MEIS2: variants seen among roughly 807,000 people sequenced by gnomAD.
MEIS2 encodes Meis homeobox 2, also known as homeobox protein Meis2.
In MEIS2, 9 loss-of-function variants were observed where a neutral mutation model predicts 58.6. The observed-to-expected ratio is 0.15, with a 90% CI of 0.09 to 0.27. MEIS2 has a LOEUF of 0.27. Among genes scored for constraint, MEIS2 ranks in the 10% least tolerant of loss-of-function variants. The probability of loss-of-function intolerance (pLI) is 1.00; values close to 1 mark genes in which losing one functional copy is unlikely to be tolerated. For synonymous variants in MEIS2, 221 were observed against 228.4 expected, an observed-to-expected ratio of 0.97 and a Z score of 0.29; for missense variants, 427 against 635.0, an observed-to-expected ratio of 0.67 and a Z score of 3.52.
chr15:36,936,826 A>T (rs2058193076), intron 9 of MEIS2, among the ~76,000 whole-genome samples: 1 of 152,242 alleles, frequency 6.6e-6, no homozygotes, highest in Non-Finnish European at 1.5e-5. Flanking sequence ...AACAAGGATG[A>T]TTCATTCATT....
At chr15:37,000,564 T>G (rs2060685041) in intron 8 of MEIS2, among the ~76,000 whole-genome samples, 1 of 152,052 alleles carries the variant, frequency 6.6e-6, no homozygotes, top group Non-Finnish European at 1.5e-5. Flanking sequence ...AGCTTCCCCT[T>G]TTTTTCTCCT....
At chr15:37,092,008 A>G (rs557472656) in intron 6 of MEIS2, among the ~76,000 whole-genome samples, 1 of 152,346 alleles carries the variant, frequency 6.6e-6, no homozygotes, top group South Asian at 2.1e-4. Flanking sequence ...ATGGACCACA[A>G]CACACTGTGG....
chr15:36,900,622 C>A (rs930774634), intron 9 of MEIS2, among the ~76,000 whole-genome samples: 1 of 152,150 alleles, frequency 6.6e-6, no homozygotes, highest in Non-Finnish European at 1.5e-5. Flanking sequence ...AACAAATAAA[C>A]CCAAGGTAGC....
At chr15:36,923,445 A>T (rs2057604860) in intron 9 of MEIS2, among the ~76,000 whole-genome samples, 1 of 152,002 alleles carries the variant, frequency 6.6e-6, no homozygotes, top group Admixed American at 6.5e-5. Context: ...CAACTAGTCT[A>T]TGGCCACCAT....
chr15:36,901,536 G>A (rs2056472397), intron 9 of MEIS2, among the ~76,000 whole-genome samples: 1 of 152,064 alleles, frequency 6.6e-6, no homozygotes, highest in Non-Finnish European at 1.5e-5. Flanking sequence ...AGCAAAGTAA[G>A]GTAAATGAAT....
chr15:37,095,820 G>C lies in MEIS2; in HGVS notation c.388-206C>G, dbSNP rs1386231720. 1.0e-5 allele frequency: 7 copies of C among 668,710 alleles called. No homozygotes were observed. In the African/African-American group the frequency reaches 1.1e-4, roughly 10 times the overall value. 41.4% of individuals were successfully genotyped at this position (668,710 alleles called of 1,614,324 possible). ...GTCCTGGCCCCATTAAGGGGGACCT[G>C]GTACGACTAAGCTGTAGCCAGGAAC... On this transcript the variant is annotated intron_variant, in intron 3 of 11. Coordinates refer to ENST00000561208, the MANE Select transcript of MEIS2 (RefSeq NM_170675.5).
intron 7 of MEIS2, among the ~76,000 whole-genome samples, chr15:37,053,873 CAT>C (rs1297272228): frequency 6.6e-6 from 1 of 152,130 alleles, no homozygotes; most frequent in Non-Finnish European, 1.5e-5. Flanking sequence ...AACTTTGAAA[CAT>C]GTGATCTTGG....
At chr15:37,020,588 A>G (rs1012131206) in intron 8 of MEIS2, among the ~76,000 whole-genome samples, 1 of 152,014 alleles carries the variant, frequency 6.6e-6, no homozygotes, top group African/African-American at 2.4e-5. Context: ...CTACTCCAAG[A>G]TAAGATAGTA....
At chr15:36,935,117 G>C (rs2058115049) in intron 9 of MEIS2, among the ~76,000 whole-genome samples, 1 of 151,060 alleles carries the variant, frequency 6.6e-6, no homozygotes, top group Non-Finnish European at 1.5e-5. Flanking sequence ...TTAGCTGGTT[G>C]TTAAGTTTCC....
intron 8 of MEIS2, among the ~76,000 whole-genome samples, chr15:36,989,341 T>C (rs927845715): frequency 1.3e-5 from 2 of 152,210 alleles, no homozygotes; most frequent in African/African-American, 4.8e-5. Flanking sequence ...CACCTTATCA[T>C]GCAAGTGACC....
At chr15:37,055,608 G>A (rs1888290231) in intron 7 of MEIS2, among the ~76,000 whole-genome samples, 2 of 152,118 alleles carry the variant, frequency 1.3e-5, no homozygotes, top group South Asian at 2.1e-4. Context: ...ATAAAAGAAC[G>A]CCAACCACAG....
At chr15:36,943,968 C>T (rs1595777290) in intron 9 of MEIS2, among the ~76,000 whole-genome samples, 1 of 152,116 alleles carries the variant, frequency 6.6e-6, no homozygotes, top group East Asian at 1.9e-4. Context: ...ATGGTACTCC[C>T]ATCTCTACAA....
At chr15:36,901,084 G>C (rs1316220711) in intron 9 of MEIS2, 1 of 152,228 alleles carries the variant, frequency 6.6e-6, no homozygotes, top group Non-Finnish European at 1.5e-5. Context: ...CTTTGCGCAG[G>C]GAAGGGGACT....
intron 8 of MEIS2, among the ~76,000 whole-genome samples, chr15:37,007,584 T>G (rs1848016195): frequency 6.6e-6 from 1 of 152,128 alleles, no homozygotes; most frequent in Non-Finnish European, 1.5e-5. Context: ...ACCACACACC[T>G]TGGAACTTCC....
chr15:37,042,282 A>T (rs1190592898), intron 7 of MEIS2, among the ~76,000 whole-genome samples: 1 of 152,228 alleles, frequency 6.6e-6, no homozygotes, highest in African/African-American at 2.4e-5. Flanking sequence ...TGATAAAAGC[A>T]GTGATGATGT....
At chr15:36,917,648 A>AT (rs1283823601) in intron 9 of MEIS2, among the ~76,000 whole-genome samples, 3 of 152,210 alleles carry the variant, frequency 2.0e-5, no homozygotes, top group Non-Finnish European at 4.4e-5. Flanking sequence ...TCCTAAACAG[A>AT]TTTTTATCTC....
intron 8 of MEIS2, among the ~76,000 whole-genome samples, chr15:36,977,032 A>G (rs1415744011): frequency 6.6e-6 from 1 of 152,210 alleles, no homozygotes; most frequent in African/African-American, 2.4e-5. Context: ...AGGCTGAGGC[A>G]GGAGAATCGT....
intron 6 of MEIS2, 116 bp downstream of exon 6, chr15:37,093,465 A>C: frequency 7.9e-7 from 1 of 1,271,302 alleles, no homozygotes; most frequent in Non-Finnish European, 1.1e-6. Flanking sequence ...AAGACCCCAA[A>C]AGAGACGGAG....
chr15:37,023,504 A>AT (rs2061594508), intron 8 of MEIS2, among the ~76,000 whole-genome samples: 1 of 152,096 alleles, frequency 6.6e-6, no homozygotes, highest in Non-Finnish European at 1.5e-5. Context: ...CTGTAGGATT[A>AT]TTTTTCTGTC....
Sources: gnomAD v4.1 joint callset for allele counts (sites outside exome capture counted in the v4.1 genomes callset) on GRCh38, gnomAD v4.1.1 for gene constraint, MANE v1.5 for transcripts, NCBI Gene and HGNC (gene_info 2026-07-23, HGNC 2026-07-21) for gene names.